TRIM34: variants seen among roughly 807,000 people sequenced by gnomAD.
TRIM34 encodes the protein E3 ubiquitin-protein ligase TRIM34.
Under a neutral mutation model 38.1 loss-of-function variants are expected in TRIM34, and 41 were observed. That is an observed-to-expected ratio of 1.08 (90% CI 0.84 to 1.40). TRIM34 has a LOEUF of 1.40. Among genes scored for constraint, TRIM34 ranks in the 40% most tolerant of loss-of-function variants. TRIM34 has a pLI of 0.00. For synonymous variants in TRIM34, 200 were observed against 202.5 expected (o/e 0.99, Z 0.10); for missense variants, 556 against 571.4 (o/e 0.97, Z 0.27).
chr11:5,623,086 CTT>C (rs1244914446), upstream of TRIM34, among the ~76,000 whole-genome samples: 1 of 140,972 alleles, frequency 7.1e-6, no homozygotes, highest in East Asian at 2.1e-4. Context: ...AAAGGGGTGA[CTT>C]TGAGTTCTGT....
At position 5,632,399 on chromosome 11, in the gene TRIM34, C is replaced by T; in HGVS notation, c.68C>T (p.Thr23Ile). ...TGTCCCATCTGCCTGGAGCTGTTGA[C>T]AGAACCCTTGAGTCTAGACTGTGGC... Reference protein sequence around the residue: ...VTCPICLELLTEPLSLDCGHS... With the variant: ...VTCPICLELLIEPLSLDCGHS... Residue 23 changes from threonine to isoleucine, a missense_variant, in exon 2 of 8, where the codon ACA (threonine) becomes ATA (isoleucine). Transcript: ENST00000429814. The T allele has an allele frequency of 6.2e-7, 1 of 1,614,058 alleles. No homozygotes were observed. The highest frequency in any genetic ancestry group is 8.5e-7 in the Non-Finnish European group (1 of 1,180,022).
At chr11:5,629,730 C>A (rs921197148) in intron 1 of TRIM34, among the ~76,000 whole-genome samples, 1 of 152,166 alleles carries the variant, frequency 6.6e-6, no homozygotes, top group Non-Finnish European at 1.5e-5. Context: ...TTTTTTGAGA[C>A]GGAGTCTCGC....
chr11:5,642,701 A>C (rs1850065511), intron 6 of TRIM34, 116 bp from the exon 7 acceptor site: 1 of 1,464,288 alleles, frequency 6.8e-7, no homozygotes, highest in Non-Finnish European at 9.2e-7. Context: ...TTTTTAATTC[A>C]CTAGCTCACA....
At position 5,641,205 on chromosome 11, in the gene TRIM34, C is replaced by T; in HGVS notation, c.773+16C>T. On this transcript the variant is annotated intron_variant, in intron 5 of 7. Transcript: ENST00000429814. ...TCATGAAATGGTGCGTATGGGTGGC[C>T]AGGAGTGGTGCTTGTGAGTTATAAA... The T allele has an allele frequency of 6.2e-7, 1 of 1,613,616 alleles. No individual in the cohort carries two copies. The highest frequency in any genetic ancestry group is 8.5e-7 in the Non-Finnish European group (1 of 1,179,864).
In TRIM34 at chr11:5,632,748, A is replaced by C. The variant is rs140268771; in HGVS notation, c.417A>C (p.Glu139Asp). The C allele has an allele frequency of 3.1e-4, 488 of 1,597,832 alleles. 2 individuals carry two copies. Among genetic ancestry groups the C allele is most frequent in the Admixed American group, 3.2e-4 (19 of 59,270 alleles). ...TCCTCACGGAGGAAGTATTCAAGGA[A>C]TGTCAGGTAGGGCCCTAGATGGAGG... ...HTVLTEEVFK[E>D]CQEKLQAVLK... is the part of the protein sequence containing the mutation. Residue 139 changes from glutamate to aspartate, a missense_variant, in exon 2 of 8, where the codon GAA becomes GAC. Glu to Asp is a conservative substitution (Grantham distance 45). Coordinates refer to ENST00000429814, the MANE Select transcript of TRIM34 (RefSeq NM_021616.6).
At chr11:5,629,532 CA>C (rs1266258392) in intron 1 of TRIM34, among the ~76,000 whole-genome samples, 4 of 152,266 alleles carry the variant, frequency 2.6e-5, no homozygotes, top group African/African-American at 9.6e-5. Context: ...TGAGAATTGG[CA>C]TTGTATCATC....
intron 4 of TRIM34, 85 bp downstream of exon 4, chr11:5,634,946 G>A: frequency 6.9e-7 from 1 of 1,453,452 alleles, no homozygotes; most frequent in African/African-American, 1.4e-5. Flanking sequence ...TGACACTAAG[G>A]GGTTTCTTTG....
At chr11:5,623,364 T>A (rs1259108141), upstream of TRIM34, among the ~76,000 whole-genome samples, 1 of 151,914 alleles carries the variant, frequency 6.6e-6, no homozygotes, top group Non-Finnish European at 1.5e-5. Flanking sequence ...TTATTTTGTT[T>A]ATTTTTATTT....
chr11:5,634,151 C>T (rs1239182364), intron 3 of TRIM34, among the ~76,000 whole-genome samples: 1 of 152,154 alleles, frequency 6.6e-6, no homozygotes, highest in African/African-American at 2.4e-5. Context: ...TGTTCCATTG[C>T]TCTTTTCCAA....
At chr11:5,641,678 C>T (rs1413433795) in intron 5 of TRIM34, among the ~76,000 whole-genome samples, 4 of 152,134 alleles carry the variant, frequency 2.6e-5, no homozygotes, top group Non-Finnish European at 5.9e-5. Flanking sequence ...AGCCTCAGGA[C>T]GGTAGCTGTG....
intron 4 of TRIM34, among the ~76,000 whole-genome samples, chr11:5,637,830 G>A (rs913057906): frequency 1.3e-5 from 2 of 152,184 alleles, no homozygotes; most frequent in South Asian, 4.1e-4. Flanking sequence ...CCTCATGTAA[G>A]TGGAATCATA....
At chr11:5,642,653 T>G in intron 6 of TRIM34, 147 bp downstream of exon 6, 1 of 1,377,770 alleles carries the variant, frequency 7.3e-7, no homozygotes, top group Non-Finnish European at 9.8e-7. Context: ...GAGGATGCAT[T>G]TATATGTAAG....
At chr11:5,637,218 CA>C (rs1412890839) in intron 4 of TRIM34, among the ~76,000 whole-genome samples, 1 of 152,146 alleles carries the variant, frequency 6.6e-6, no homozygotes, top group African/African-American at 2.4e-5. Flanking sequence ...GTCTCCTCCA[CA>C]ATCCCATCTC....
chr11:5,641,079 C>T (rs1476266588), intron 4 of TRIM34, 88 bp from the exon 5 acceptor site: 14 of 1,458,898 alleles, frequency 9.6e-6, no homozygotes, highest in South Asian at 1.5e-5. Context: ...CTGATTTTTC[C>T]ATTTTTTTTC....
intron 1 of TRIM34, among the ~76,000 whole-genome samples, chr11:5,630,768 C>T (rs1849451813): frequency 6.6e-6 from 1 of 152,214 alleles, no homozygotes; most frequent in South Asian, 2.1e-4. Context: ...TTTACACCTA[C>T]CATTTTACAT....
At chr11:5,634,937 G>A in intron 4 of TRIM34, 76 bp downstream of exon 4, 2 of 1,495,360 alleles carry the variant, frequency 1.3e-6, no homozygotes, top group South Asian at 2.6e-5. Flanking sequence ...TCCTGGTGGT[G>A]ACACTAAGGG....
In TRIM34 at chr11:5,643,382, A is replaced by G; in HGVS notation, c.1140A>G (p.Arg380=). Residue 380 remains arginine (R), a synonymous_variant, in exon 8 of 8, where the codon AGA becomes AGG. Transcript: ENST00000429814. ...GCCATATGAAGTATGTTGTTAGAAG[A>G]TGTGCAAATCGTCAAAATCTTTACA... ...YSRHMKYVVR[R]CANRQNLYTK... 1.2e-6 allele frequency: 2 copies of G among 1,614,126 alleles called. No homozygotes were observed. The highest frequency in any genetic ancestry group is 1.1e-5 in the South Asian group (1 of 91,088).
chr11:5,641,200 G>A lies in TRIM34; in HGVS notation c.773+11G>A, dbSNP rs2133953749. On this transcript the variant is annotated intron_variant, in intron 5 of 7. Transcript: ENST00000429814. Reference sequence around the variant, plus strand: ...TGGAATCATGAAATGGTGCGTATGGGTGGCCAGGAGTGGTGCTTGTGAGTT... The same window carrying A: ...TGGAATCATGAAATGGTGCGTATGGATGGCCAGGAGTGGTGCTTGTGAGTT... 6.2e-7 allele frequency: 1 copy of A among 1,613,820 alleles called. No homozygotes were observed. The highest frequency in any genetic ancestry group is 2.2e-5 in the East Asian group (1 of 44,858).
Position 5,643,586 on chromosome 11 carries a change from T to A in TRIM34, c.1344T>A (p.Asn448Lys). ...DYEAGIVSFFNVTSHGSLIYK... is the reference protein window; with the variant it reads ...DYEAGIVSFFKVTSHGSLIYK... ...AAGCAGGCATTGTCTCATTTTTCAATGTCACAAGCCATGGCTCCCTCATTT... is the reference window on the plus strand; with the variant it reads ...AAGCAGGCATTGTCTCATTTTTCAAAGTCACAAGCCATGGCTCCCTCATTT... Residue 448 changes from asparagine (N) to lysine (K), a missense_variant, in exon 8 of 8, where the codon AAT becomes AAA. Physicochemically the swap from Asn to Lys is moderately conservative, Grantham distance 94. Coordinates refer to ENST00000429814, the MANE Select transcript of TRIM34 (RefSeq NM_021616.6). The A allele has an allele frequency of 1.2e-6, 2 of 1,614,150 alleles. No homozygotes were observed. The highest frequency in any genetic ancestry group is 1.7e-6 in the Non-Finnish European group (2 of 1,180,002).
Sources: gnomAD v4.1 joint callset for allele counts (sites outside exome capture counted in the v4.1 genomes callset) on GRCh38, gnomAD v4.1.1 for gene constraint, MANE v1.5 for transcripts, NCBI Gene and HGNC (gene_info 2026-07-23, HGNC 2026-07-21) for gene names.